The following NOL4L variants were observed in gnomAD, a reference collection of about 807,000 sequenced individuals.
NOL4L encodes the protein nucleolar protein 4 like.
Under a neutral mutation model 64.5 loss-of-function variants are expected in NOL4L, and 7 were observed. The observed-to-expected ratio is 0.11, with a 90% CI of 0.06 to 0.20. The LOEUF is 0.20. Ranked by LOEUF, NOL4L falls within the 10% of genes least tolerant of loss-of-function variation. NOL4L has a pLI of 1.00. For synonymous variants in NOL4L, 413 were observed against 401.0 expected, an observed-to-expected ratio of 1.03 and a Z score of -0.36; for missense variants, 680 against 967.1, an observed-to-expected ratio of 0.70 and a Z score of 3.94.
chr20:32,456,063 G>T, intron 6 of NOL4L, 55 bp downstream of exon 6: 2 of 1,439,240 alleles, frequency 1.4e-6, no homozygotes, highest in Non-Finnish European at 9.2e-7. Context: ...TTTCATTCTC[G>T]CCTCGCGACA....
At chr20:32,525,230 C>A (rs1395600082) in intron 2 of NOL4L, among the ~76,000 whole-genome samples, 1 of 152,266 alleles carries the variant, frequency 6.6e-6, no homozygotes, top group Admixed American at 6.5e-5. Flanking sequence ...CCTTCCTAAA[C>A]CGCCCAAAGA....
chr20:32,529,798 C>A (rs2018276571), intron 1 of NOL4L, among the ~76,000 whole-genome samples: 1 of 152,200 alleles, frequency 6.6e-6, no homozygotes, highest in South Asian at 2.1e-4. Flanking sequence ...TCAGATAGCA[C>A]ATATCTCTCT....
At chr20:32,583,568 C>T (rs1429967341) in intron 1 of NOL4L, among the ~76,000 whole-genome samples, 1 of 148,022 alleles carries the variant, frequency 6.8e-6, no homozygotes, top group African/African-American at 2.5e-5. Flanking sequence ...GCGGCCCGAC[C>T]GGGCCGGGGG....
intron 1 of NOL4L, among the ~76,000 whole-genome samples, chr20:32,529,712 G>A (rs1053270079): frequency 6.6e-6 from 1 of 152,182 alleles, no homozygotes; most frequent in Non-Finnish European, 1.5e-5. Context: ...ACCCTGGGAG[G>A]TGACCTCACT....
chr20:32,449,312 C>T (rs2145420345), intron 10 of NOL4L, among the ~76,000 whole-genome samples: 1 of 152,352 alleles, frequency 6.6e-6, no homozygotes, highest in African/African-American at 2.4e-5. Context: ...CTGATGGTCA[C>T]ATTCTCTCAT....
chr20:32,499,159 G>A (rs959650841), intron 4 of NOL4L, among the ~76,000 whole-genome samples: 23 of 152,272 alleles, frequency 1.5e-4, no homozygotes, highest in African/African-American at 5.3e-4. Flanking sequence ...TTACAGGCGT[G>A]AGCCACTGCT....
At chr20:32,467,337 G>A (rs1453724808) in intron 5 of NOL4L, among the ~76,000 whole-genome samples, 1 of 150,870 alleles carries the variant, frequency 6.6e-6, no homozygotes, top group African/African-American at 2.4e-5. Flanking sequence ...ACAGGGCCTG[G>A]CACATGTGGG....
chr20:32,466,982 G>A (rs1008241893), intron 5 of NOL4L, among the ~76,000 whole-genome samples: 28 of 152,136 alleles, frequency 1.8e-4, no homozygotes, highest in Non-Finnish European at 2.5e-4. Flanking sequence ...AGGGGAGGGT[G>A]GGCATCACCT....
intron 3 of NOL4L, 31 bp downstream of exon 3, chr20:32,520,780 C>T (rs1411262651): frequency 1.4e-6 from 2 of 1,405,996 alleles, no homozygotes; most frequent in Admixed American, 2.0e-5. Flanking sequence ...ATGGCCCCCG[C>T]CCTAGCCCTC....
chr20:32,456,537 G>A, intron 5 of NOL4L, 142 bp from the exon 6 acceptor site: 1 of 824,060 alleles, frequency 1.2e-6, no homozygotes, highest in Non-Finnish European at 1.7e-6. Flanking sequence ...GAGGCAATTT[G>A]CCCCAGCCCA....
chr20:32,561,638 G>C (rs1322656708), intron 1 of NOL4L, among the ~76,000 whole-genome samples: 5 of 152,236 alleles, frequency 3.3e-5, no homozygotes, highest in African/African-American at 9.6e-5. Flanking sequence ...CCCCAGCCAG[G>C]GTTGGGCTTG....
At chr20:32,518,031 T>C (rs1162485013) in intron 3 of NOL4L, among the ~76,000 whole-genome samples, 1 of 152,188 alleles carries the variant, frequency 6.6e-6, no homozygotes, top group Non-Finnish European at 1.5e-5. Context: ...TCAGAGAGGT[T>C]CCCTGTCCTG....
chr20:32,488,747 TTTCCTTCCTTCCTTCCTTCCTTCCTTCC>T (rs1206813375), intron 4 of NOL4L, among the ~76,000 whole-genome samples: 1 of 106,806 alleles, frequency 9.4e-6, no homozygotes, highest in African/African-American at 3.8e-5. Flanking sequence ...CTTTCTTTCT[TTTCCTTCCTTCCTTCCTTCCTTCCTTCC>T]TTCCTTCCTT....
chr20:32,454,003 G>A (rs1448564788), intron 6 of NOL4L: 20 of 541,316 alleles, frequency 3.7e-5, no homozygotes, highest in Non-Finnish European at 6.3e-5. Flanking sequence ...CTGCAATAGT[G>A]TATGCAGAGA....
chr20:32,557,250 G>GT (rs1978713507), intron 1 of NOL4L, among the ~76,000 whole-genome samples: 3 of 152,216 alleles, frequency 2.0e-5, no homozygotes, highest in Admixed American at 6.5e-5. Context: ...TGCCCTTGCA[G>GT]TCCCATTGCC....
chr20:32,494,252 G>GAAAAAAAAAA (rs1568654908), intron 4 of NOL4L, among the ~76,000 whole-genome samples: 7 of 27,092 alleles, frequency 2.6e-4, no homozygotes, highest in African/African-American at 1.1e-3. Context: ...GATAATCTCG[G>GAAAAAAAAAA]GAAAAAAAAA....
chr20:32,465,149 G>A (rs550571175), intron 5 of NOL4L: 1 of 488,658 alleles, frequency 2.0e-6, no homozygotes, highest in African/African-American at 2.0e-5. Flanking sequence ...AGTGGAGGGG[G>A]AGGTGGACAC....
In NOL4L at chr20:32,444,246, C is replaced by T. The variant is rs1035666224; in HGVS notation, c.*3350G>A. ...CTGTTTAGCTCAGAAACAACAAAAA[C>T]AAAGTTTCTAAAGCACCACTAAATT... On this transcript the variant is annotated 3_prime_UTR_variant, in exon 11 of 11. Transcript: ENST00000621426. The T allele has an allele frequency of 2.0e-5, 3 of 152,142 alleles. No homozygotes were observed. The highest frequency in any genetic ancestry group is 4.4e-5 in the Non-Finnish European group (3 of 68,018). The allele number at this position is 152,142 out of a possible 1,614,324, so 9.4% of individuals were successfully genotyped here.
chr20:32,541,768 C>T (rs1453602289), intron 1 of NOL4L, among the ~76,000 whole-genome samples: 1 of 152,270 alleles, frequency 6.6e-6, no homozygotes, highest in African/African-American at 2.4e-5. Context: ...CCCCTCTGTC[C>T]ATGCCCAGGA....
Sources: gnomAD v4.1 joint callset for allele counts (sites outside exome capture counted in the v4.1 genomes callset) on GRCh38, gnomAD v4.1.1 for gene constraint, MANE v1.5 for transcripts, NCBI Gene and HGNC (gene_info 2026-07-23, HGNC 2026-07-21) for gene names.